The following STK32B variants were observed in gnomAD, a reference collection of about 807,000 sequenced individuals.
STK32B encodes serine/threonine-protein kinase 32B.
Under a neutral mutation model 52.6 loss-of-function variants are expected in STK32B, and 43 were observed. That is an observed-to-expected ratio of 0.82 (90% CI 0.64 to 1.05). The LOEUF (loss-of-function observed/expected upper bound fraction) is 1.05. Ranked by LOEUF, STK32B falls within the 50% of genes least tolerant of loss-of-function variation. STK32B has a pLI of 0.00. For missense variants in STK32B, 621 were observed against 534.6 expected, an observed-to-expected ratio of 1.16 and a Z score of -1.59; for synonymous variants, 238 against 204.3, an observed-to-expected ratio of 1.17 and a Z score of -1.41.
intron 2 of STK32B, among the ~76,000 whole-genome samples, chr4:5,160,563 A>G (rs1718360220): frequency 6.6e-6 from 1 of 151,986 alleles, no homozygotes; most frequent in African/African-American, 2.4e-5. Flanking sequence ...CAAATCCCAT[A>G]TCTGGTTTAG....
intron 5 of STK32B, among the ~76,000 whole-genome samples, chr4:5,408,809 A>T (rs1737843455): frequency 6.6e-6 from 1 of 152,196 alleles, no homozygotes; most frequent in Non-Finnish European, 1.5e-5. Context: ...AGTTAGGAGC[A>T]GAGTAGAGGA....
At position 5,459,876 on chromosome 4, in the gene STK32B, C is replaced by T. The variant is rs1384886872; in HGVS notation, c.784-227C>T. ...AGTCTGGTCCCTGCCCTAACAGTCC[C>T]TCACTGGATGACCTTGCAGAAGCAG... is the stretch of plus-strand genomic sequence containing the variant. On this transcript the variant is annotated intron_variant, in intron 8 of 11. Coordinates refer to ENST00000282908, the MANE Select transcript of STK32B (RefSeq NM_018401.3). Among the ~76,000 whole-genome samples the T allele has an allele frequency of 2.0e-5, 3 of 152,330 alleles. No individual in the cohort carries two copies. In the South Asian group the frequency reaches 6.2e-4, roughly 32 times the overall value.
intron 3 of STK32B, among the ~76,000 whole-genome samples, chr4:5,245,907 C>G (rs990907199): frequency 7.2e-5 from 11 of 152,220 alleles, no homozygotes; most frequent in Non-Finnish European, 8.8e-5. Context: ...GGCCCCCACT[C>G]TCTTCTGGCT....
At chr4:5,456,661 C>A (rs1716548015) in intron 7 of STK32B, 146 bp from the exon 8 acceptor site, 2 of 723,448 alleles carry the variant, frequency 2.8e-6, no homozygotes, top group South Asian at 3.0e-5. Context: ...TGGGTTCGGG[C>A]CACCTGCTCT....
At position 5,408,119 on chromosome 4, in the gene STK32B, A is replaced by G. The variant is rs1014165733; in HGVS notation, c.473-8726A>G. ...CATGTCTGTTGTTAATCAGTCTATGACATTCTGTTACAGCAGCCCAAACGG... is the reference window on the plus strand; with the variant it reads ...CATGTCTGTTGTTAATCAGTCTATGGCATTCTGTTACAGCAGCCCAAACGG... On this transcript the variant is annotated intron_variant, in intron 5 of 11. Transcript: ENST00000282908. Among the ~76,000 whole-genome samples, 6 of 152,142 alleles carry G rather than the reference A, an allele frequency of 3.9e-5. 1 individual carries two copies. Among genetic ancestry groups the G allele is most frequent in the African/African-American group, 1.2e-4 (5 of 41,400 alleles).
At chr4:5,489,953 A>AT (rs764308524) in intron 11 of STK32B, among the ~76,000 whole-genome samples, 5 of 152,218 alleles carry the variant, frequency 3.3e-5, no homozygotes, top group Non-Finnish European at 7.3e-5. Context: ...AGACATATAT[A>AT]CATACAAATG....
intron 3 of STK32B, among the ~76,000 whole-genome samples, chr4:5,271,754 G>C (rs1172379755): frequency 7.0e-6 from 1 of 143,862 alleles, no homozygotes; most frequent in South Asian, 2.2e-4. Context: ...GTATTTTATT[G>C]TCTTTGAAGC....
chr4:5,251,000 C>G (rs914241193), intron 3 of STK32B, among the ~76,000 whole-genome samples: 4 of 152,152 alleles, frequency 2.6e-5, no homozygotes, highest in African/African-American at 9.7e-5. Context: ...TTCTCTCATT[C>G]TGTAGGTTGT....
chr4:5,399,585 G>C lies in STK32B; in HGVS notation c.472+1341G>C, dbSNP rs978118247. Among the ~76,000 whole-genome samples the C allele has an allele frequency of 6.6e-6, 1 of 152,126 alleles. No individual in the cohort carries two copies. Among genetic ancestry groups the C allele is most frequent in the Non-Finnish European group, 1.5e-5 (1 of 68,022 alleles). On this transcript the variant is annotated intron_variant, in intron 5 of 11. Transcript: ENST00000282908. This position sits in a 1 kb window ranked among gnomAD's most constrained non-coding sequence, Gnocchi z 5.4. The stretch of plus-strand genomic sequence containing the variant: ...GACAGAGCTGAGGATCCAAATCAAG[G>C]CTGGAAAGGAAGCGAAAGCAACGTC...
At chr4:5,313,227 G>C (rs1025869990) in intron 3 of STK32B, among the ~76,000 whole-genome samples, 1 of 151,730 alleles carries the variant, frequency 6.6e-6, no homozygotes, top group African/African-American at 2.4e-5. Context: ...ACACTAGTTC[G>C]ATATTTTTAA....
intron 3 of STK32B, among the ~76,000 whole-genome samples, chr4:5,242,537 C>T (rs931422597): frequency 3.9e-5 from 6 of 152,146 alleles, no homozygotes; most frequent in Non-Finnish European, 8.8e-5. Flanking sequence ...TGCCTGTTCA[C>T]TCTGATGGTG....
chr4:5,168,546 G>A (rs755140410), intron 3 of STK32B, 96 bp downstream of exon 3: 4 of 1,380,362 alleles, frequency 2.9e-6, no homozygotes, highest in Non-Finnish European at 3.8e-6. Flanking sequence ...CATTGTAAAG[G>A]GAAAGGGATG....
chr4:5,392,200 C>T (rs769192241), intron 4 of STK32B, among the ~76,000 whole-genome samples: 7 of 152,026 alleles, frequency 4.6e-5, no homozygotes, highest in African/African-American at 9.7e-5. Context: ...TTTGGGAGGC[C>T]GAGGCGGGTG....
At chr4:5,238,336 CCTT>C (rs1724773810) in intron 3 of STK32B, among the ~76,000 whole-genome samples, 2 of 152,032 alleles carry the variant, frequency 1.3e-5, no homozygotes, top group South Asian at 4.1e-4. Flanking sequence ...CTCCTTGCCT[CCTT>C]CTTCATAAGG....
chr4:5,068,383 C>A (rs1711549764), intron 1 of STK32B, among the ~76,000 whole-genome samples: 1 of 152,138 alleles, frequency 6.6e-6, no homozygotes, highest in African/African-American at 2.4e-5. Context: ...ATTTGGTTTT[C>A]CACTCTTGAG....
At chr4:5,334,427 G>A (rs1424116824) in intron 4 of STK32B, among the ~76,000 whole-genome samples, 1 of 152,008 alleles carries the variant, frequency 6.6e-6, no homozygotes, top group Non-Finnish European at 1.5e-5. Flanking sequence ...CTGCAAACAG[G>A]GACAATTTGA....
chr4:5,159,980 A>G (rs114386622), intron 2 of STK32B, among the ~76,000 whole-genome samples: 370 of 152,004 alleles, frequency 2.4e-3, no homozygotes, highest in African/African-American at 7.7e-3. Flanking sequence ...TCAGTCTTTT[A>G]CTTCATTCAG....
chr4:5,453,870 A>G lies in STK32B; in HGVS notation c.667-2937A>G, dbSNP rs1716252512. The stretch of plus-strand genomic sequence containing the variant: ...CAGTGAGCCGAGATCATACCATTGC[A>G]CTCCAGTCTAGGCGACAAGAGTGAA... On this transcript the variant is annotated intron_variant, in intron 7 of 11. Transcript: ENST00000282908. The surrounding 1 kb of genome is among the most constrained non-coding windows in gnomAD (Gnocchi z 4.0). Among the ~76,000 whole-genome samples, 1 of 151,606 alleles carries G rather than the reference A, an allele frequency of 6.6e-6. No individual in the cohort carries two copies. Among genetic ancestry groups the G allele is most frequent in the Admixed American group, 6.6e-5 (1 of 15,238 alleles).
At chr4:5,185,643 C>G (rs1423434043) in intron 3 of STK32B, among the ~76,000 whole-genome samples, 1 of 152,200 alleles carries the variant, frequency 6.6e-6, no homozygotes, top group Non-Finnish European at 1.5e-5. Context: ...GTCATTTCCA[C>G]AGAAGCAATT....
Sources: gnomAD v4.1 joint callset for allele counts (sites outside exome capture counted in the v4.1 genomes callset) on GRCh38, gnomAD v4.1.1 for gene constraint, Gnocchi (gnomAD v3.1) non-coding constraint, MANE v1.5 for transcripts, NCBI Gene and HGNC (gene_info 2026-07-23, HGNC 2026-07-21) for gene names.